The following ITGBL1 variants were observed in gnomAD, a reference collection of about 807,000 sequenced individuals.
The protein encoded by ITGBL1 is integrin subunit beta like 1.
A neutral mutation model predicts 68.5 loss-of-function variants in ITGBL1; 51 were observed. That is an observed-to-expected ratio of 0.74 (90% confidence interval 0.59 to 0.94). The LOEUF (loss-of-function observed/expected upper bound fraction) is 0.94. ITGBL1 is among the 40% of genes least tolerant of loss of function. The pLI, the probability that ITGBL1 is intolerant of heterozygous loss-of-function variation, is 0.00. For synonymous variants in ITGBL1, 209 were observed against 227.3 expected (o/e 0.92, Z 0.72); for missense variants, 649 against 647.4 (o/e 1.00, Z -0.03).
At chr13:101,597,614 T>C (rs1029406743) in intron 6 of ITGBL1, among the ~76,000 whole-genome samples, 4 of 151,898 alleles carry the variant, frequency 2.6e-5, no homozygotes, top group Non-Finnish European at 2.9e-5. Context: ...TGCAGTGGCA[T>C]GAACTTGGCT....
intron 2 of ITGBL1, among the ~76,000 whole-genome samples, chr13:101,529,137 AC>A (rs1239827752): frequency 6.6e-6 from 1 of 152,034 alleles, no homozygotes; most frequent in African/African-American, 2.4e-5. Context: ...TTTAAGAAAA[AC>A]CGAAGTTGAA....
intron 5 of ITGBL1, among the ~76,000 whole-genome samples, chr13:101,582,974 A>G (rs2050485921): frequency 6.6e-6 from 1 of 152,216 alleles, no homozygotes. Context: ...AAGGAAACTA[A>G]CATAATACTA....
intron 7 of ITGBL1, among the ~76,000 whole-genome samples, chr13:101,642,536 G>A (rs951430861): frequency 5.9e-5 from 9 of 152,116 alleles, no homozygotes; most frequent in African/African-American, 2.2e-4. Context: ...TGATGTTAGT[G>A]TCTTTTGCTG....
In ITGBL1 at chr13:101,476,536, A is replaced by G. The variant is rs1305463884; in HGVS notation, c.316+22436A>G. ...GGACTAAACTCTCTAATCAAAAGAC[A>G]TGGAGTGACTTACTGGATTCAAAAA... is the stretch of plus-strand genomic sequence containing the variant. On this transcript the variant is annotated intron_variant, in intron 2 of 10. Coordinates refer to ENST00000376180, the MANE Select transcript of ITGBL1 (RefSeq NM_004791.3). Among the ~76,000 whole-genome samples, 3 of 152,212 alleles carry G rather than the reference A, an allele frequency of 2.0e-5. No homozygotes were observed. The East Asian group carries it at 5.8e-4, about 29-fold the overall frequency.
At chr13:101,493,785 C>T (rs1412515281) in intron 2 of ITGBL1, among the ~76,000 whole-genome samples, 15 of 152,180 alleles carry the variant, frequency 9.9e-5, no homozygotes, top group South Asian at 4.1e-4. Flanking sequence ...AGGACAATCC[C>T]GGCTAAGAGC....
intron 2 of ITGBL1, among the ~76,000 whole-genome samples, chr13:101,551,472 C>T (rs2139212882): frequency 6.6e-6 from 1 of 152,182 alleles, no homozygotes; most frequent in South Asian, 2.1e-4. Context: ...AGGAATGGAC[C>T]TAGACATGGC....
chr13:101,485,600 C>T (rs1219142605), intron 2 of ITGBL1, among the ~76,000 whole-genome samples: 1 of 151,922 alleles, frequency 6.6e-6, no homozygotes, highest in Non-Finnish European at 1.5e-5. Context: ...GTCAGGAGAT[C>T]GAGACCACAG....
rs765864255 is a variant in ITGBL1 at position 101,575,434 on chromosome 13, CTG to C, written c.477_478del (p.Cys159TrpfsTer4). 1 of 1,612,802 alleles carries C rather than the reference CTG, an allele frequency of 6.2e-7. No homozygotes were observed. Among genetic ancestry groups the C allele is most frequent in the South Asian group, 1.1e-5 (1 of 91,040 alleles). On this transcript the variant is annotated frameshift_variant, in exon 4 of 11. Coordinates refer to ENST00000376180, the MANE Select transcript of ITGBL1 (RefSeq NM_004791.3). LOFTEE classifies it high-confidence loss of function. ...GTTTTCATGGTTTAGGTACATGTCA[CTG>C]TGGCAGGTGTAAGTGTGATAATTCA... ...IICSNAGTCH[C>X]GRCKCDNSDG...
At chr13:101,626,976 G>C (rs1025360634) in intron 7 of ITGBL1, among the ~76,000 whole-genome samples, 1 of 152,114 alleles carries the variant, frequency 6.6e-6, no homozygotes, top group Non-Finnish European at 1.5e-5. Context: ...GTGAAATCCT[G>C]ATTCAGACAC....
chr13:101,453,560 CATATAAGAT>C (rs1446900854), intron 1 of ITGBL1, among the ~76,000 whole-genome samples: 1 of 152,162 alleles, frequency 6.6e-6, no homozygotes, highest in African/African-American at 2.4e-5. Context: ...TCTAAATGTG[CATATAAGAT>C]TTAGTGATAA....
chr13:101,538,452 G>C (rs2049618653), intron 2 of ITGBL1, among the ~76,000 whole-genome samples: 1 of 152,088 alleles, frequency 6.6e-6, no homozygotes, highest in African/African-American at 2.4e-5. Flanking sequence ...CTGGCTTACA[G>C]TTGTTGGTAG....
At chr13:101,641,521 TTTTTA>T (rs143454599) in intron 7 of ITGBL1, among the ~76,000 whole-genome samples, 14,916 of 149,404 alleles carry the variant, frequency 0.1, 997 homozygotes, top group African/African-American at 0.19. Flanking sequence ...GTGTCTTTCT[TTTTTA>T]TTTTATTTTA....
Position 101,518,752 on chromosome 13 carries a change from A to G in ITGBL1, c.317-48947A>G, listed in dbSNP as rs186702239. Among the ~76,000 whole-genome samples, 153 of 152,320 alleles carry G rather than the reference A, an allele frequency of 1.0e-3. 2 individuals carry two copies. The highest frequency in any genetic ancestry group is 8.3e-4 in the South Asian group (4 of 4,834). ...CATTTATGTTTTTATCAATGTAACA[A>G]TAATTTACATTAATTACATTCTTAC... On this transcript the variant is annotated intron_variant, in intron 2 of 10. Transcript: ENST00000376180.
At chr13:101,561,742 C>A (rs1420385062) in intron 2 of ITGBL1, among the ~76,000 whole-genome samples, 1 of 152,040 alleles carries the variant, frequency 6.6e-6, no homozygotes, top group African/African-American at 2.4e-5. Context: ...CTATATCCAG[C>A]AAAAAGTATA....
chr13:101,550,430 T>A (rs1478376054), intron 2 of ITGBL1, among the ~76,000 whole-genome samples: 1 of 152,192 alleles, frequency 6.6e-6, no homozygotes, highest in Non-Finnish European at 1.5e-5. Flanking sequence ...CAAACACCAC[T>A]TGGTTCTCAT....
chr13:101,706,841 G>A lies in ITGBL1; in HGVS notation c.1218G>A (p.Met406Ile). The A allele has an allele frequency of 6.2e-7, 1 of 1,614,180 alleles. No homozygotes were observed. The highest frequency in any genetic ancestry group is 2.2e-5 in the East Asian group (1 of 44,880). ...KLCQHPRKCN[M>I]TEEQSKNLCE... The stretch of plus-strand genomic sequence containing the variant: ...GCCAACATCCGCGGAAGTGTAACAT[G>A]ACGGAAGAACAAAGCAAGAATCTGT... Residue 406 changes from methionine to isoleucine, a missense_variant, in exon 9 of 11, where the codon ATG becomes ATA. Met to Ile is a conservative substitution (Grantham distance 10). Coordinates refer to ENST00000376180, the MANE Select transcript of ITGBL1 (RefSeq NM_004791.3).
intron 2 of ITGBL1, among the ~76,000 whole-genome samples, chr13:101,540,271 G>A (rs886219294): frequency 1.3e-5 from 2 of 152,048 alleles, no homozygotes; most frequent in East Asian, 1.9e-4. Context: ...TTCTACATAT[G>A]GCTAGCCAGT....
intron 7 of ITGBL1, among the ~76,000 whole-genome samples, chr13:101,606,017 T>C (rs2030823235): frequency 6.8e-6 from 1 of 146,846 alleles, no homozygotes; most frequent in South Asian, 2.1e-4. Flanking sequence ...TATATATGTA[T>C]ATATGTTATA....
intron 7 of ITGBL1, among the ~76,000 whole-genome samples, chr13:101,658,547 T>C (rs2032994180): frequency 6.6e-6 from 1 of 152,184 alleles, no homozygotes; most frequent in Non-Finnish European, 1.5e-5. Flanking sequence ...TTTTAGTGCA[T>C]ATACATGCAT....
Sources: gnomAD v4.1 joint callset for allele counts (sites outside exome capture counted in the v4.1 genomes callset) on GRCh38, gnomAD v4.1.1 for gene constraint, MANE v1.5 for transcripts, NCBI Gene and HGNC (gene_info 2026-07-23, HGNC 2026-07-21) for gene names.